Variants in ERI1 observed in about 807,000 individuals in gnomAD.
ERI1 encodes 3'-5' exoribonuclease 1.
ERI1 carries 39 observed loss-of-function variants against 39.7 expected under a neutral mutation model. That is an observed-to-expected ratio of 0.98 (90% confidence interval 0.76 to 1.28). ERI1 has a LOEUF of 1.28. Among genes scored for constraint, ERI1 ranks in the 50% most tolerant of loss-of-function variants. The pLI, the probability that ERI1 is intolerant of heterozygous loss-of-function variation, is 0.00. For synonymous variants in ERI1, 204 were observed against 149.6 expected (o/e 1.36, Z -2.65); for missense variants, 581 against 416.9 (o/e 1.39, Z -3.43).
chr8:9,009,429 CAG>C (rs1420651356), intron 2 of ERI1, among the ~76,000 whole-genome samples: 5 of 152,296 alleles, frequency 3.3e-5, no homozygotes, highest in Admixed American at 6.5e-5. Flanking sequence ...AAAAAAATAA[CAG>C]AAACTTTTCT....
intron 3 of ERI1, among the ~76,000 whole-genome samples, chr8:9,081,682 T>C (rs1431197071): frequency 2.9e-5 from 3 of 104,520 alleles, no homozygotes; most frequent in Admixed American, 8.5e-5. Context: ...TCTTCTTCTT[T>C]TGTTTTTGTT....
intron 4 of ERI1, among the ~76,000 whole-genome samples, chr8:9,017,732 T>C (rs1817459013): frequency 6.6e-6 from 1 of 152,192 alleles, no homozygotes; most frequent in Non-Finnish European, 1.5e-5. Context: ...GGTTCAGATG[T>C]GTATGGACTG....
intron 4 of ERI1, 131 bp from the exon 5 acceptor site, chr8:9,018,166 A>C (rs1023370824): frequency 2.1e-5 from 11 of 526,996 alleles, no homozygotes; most frequent in Admixed American, 9.7e-5. Flanking sequence ...AGCTAAGCCA[A>C]GGAAACCATG....
At chr8:9,063,448 G>A (rs913838659) in intron 3 of ERI1, among the ~76,000 whole-genome samples, 1 of 152,172 alleles carries the variant, frequency 6.6e-6, no homozygotes, top group South Asian at 2.1e-4. Context: ...GGTGTGAGGA[G>A]GGGAGGTGAT....
chr8:9,038,360 C>A (rs1416087497), intron 3 of ERI1, among the ~76,000 whole-genome samples: 1 of 152,200 alleles, frequency 6.6e-6, no homozygotes, highest in East Asian at 1.9e-4. Context: ...ACATTCACAT[C>A]CAGTTTTCAT....
chr8:9,048,941 C>G (rs75152592), intron 3 of ERI1, among the ~76,000 whole-genome samples: 1 of 152,042 alleles, frequency 6.6e-6, no homozygotes, highest in African/African-American at 2.4e-5. Context: ...CCACCGCGCT[C>G]GGCCAGCATT....
intron 3 of ERI1, among the ~76,000 whole-genome samples, chr8:9,012,222 A>C (rs1392099552): frequency 6.6e-6 from 1 of 152,186 alleles, no homozygotes; most frequent in Non-Finnish European, 1.5e-5. Flanking sequence ...AATTTACAAA[A>C]ATGACTTTTG....
At chr8:9,024,461 T>G (rs1818261166) in intron 6 of ERI1, among the ~76,000 whole-genome samples, 1 of 151,964 alleles carries the variant, frequency 6.6e-6, no homozygotes, top group Admixed American at 6.6e-5. Context: ...CACTCTGTCA[T>G]CCAGCCTGGA....
In ERI1 at chr8:9,017,324, C is replaced by T. The variant is rs542242256; in HGVS notation, c.582+919C>T. On this transcript the variant is annotated intron_variant, in intron 4 of 6. Coordinates refer to ENST00000250263, the MANE Select transcript of ERI1 (RefSeq NM_153332.4). Reference sequence around the variant, plus strand: ...AAGTGTTGGGATTACGGGCATGAGCCACCACACCTAGCCTGTTTCATGAAT... The same window carrying T: ...AAGTGTTGGGATTACGGGCATGAGCTACCACACCTAGCCTGTTTCATGAAT... 5.6e-4 allele frequency among the ~76,000 whole-genome samples: 86 copies of T among 152,238 alleles called. 1 individual carries two copies. The highest frequency in any genetic ancestry group is 2.0e-3 in the African/African-American group (83 of 41,542).
chr8:9,073,470 G>A lies in ERI1; in HGVS notation n.300-42878G>A, dbSNP rs76599615. Among the ~76,000 whole-genome samples, 42 of 152,280 alleles carry A rather than the reference G, an allele frequency of 2.8e-4. No individual in the cohort carries two copies. In the East Asian group the frequency reaches 7.9e-3, roughly 29 times the overall value. On this transcript the variant is annotated intron_variant and non_coding_transcript_variant, in intron 3 of 3. Transcript: ENST00000518663. ...AGGTTAGCAAATAGAGCATTGTAAA[G>A]GAGATCAGTGAAGTAAGATTTTCAT...
chr8:9,092,434 G>A (rs989604326), intron 3 of ERI1, among the ~76,000 whole-genome samples: 4 of 152,210 alleles, frequency 2.6e-5, no homozygotes, highest in Admixed American at 1.3e-4. Flanking sequence ...GCTGGAATGA[G>A]CAAATATCTT....
chr8:9,053,039 C>T (rs998614922), intron 3 of ERI1, among the ~76,000 whole-genome samples: 8 of 152,084 alleles, frequency 5.3e-5, no homozygotes, highest in African/African-American at 7.2e-5. Flanking sequence ...TTGTTTGAGA[C>T]GGAGTCTTGC....
chr8:9,073,807 A>G (rs1261410257), intron 3 of ERI1, among the ~76,000 whole-genome samples: 9 of 152,216 alleles, frequency 5.9e-5, no homozygotes, highest in African/African-American at 1.9e-4. Context: ...ACATGAAACT[A>G]CATAGAATCC....
intron 6 of ERI1, among the ~76,000 whole-genome samples, chr8:9,025,959 T>A (rs776740529): frequency 6.6e-6 from 1 of 152,188 alleles, no homozygotes; most frequent in Non-Finnish European, 1.5e-5. Flanking sequence ...AAACAGTGTA[T>A]GTACATTGAG....
chr8:9,034,251 A>G (rs1472102707), downstream of ERI1, among the ~76,000 whole-genome samples: 1 of 152,270 alleles, frequency 6.6e-6, no homozygotes, highest in Non-Finnish European at 1.5e-5. Flanking sequence ...GGTAAATTTC[A>G]TTAGATTTGT....
At chr8:9,050,405 G>C (rs1476738458) in intron 3 of ERI1, among the ~76,000 whole-genome samples, 1 of 151,716 alleles carries the variant, frequency 6.6e-6, no homozygotes, top group African/African-American at 2.4e-5. Flanking sequence ...TACTTGGGAG[G>C]TTGAGGCAGG....
chr8:9,070,478 A>T (rs1284768216), intron 3 of ERI1, among the ~76,000 whole-genome samples: 2 of 152,054 alleles, frequency 1.3e-5, no homozygotes, highest in African/African-American at 4.8e-5. Flanking sequence ...ACAGAATAAG[A>T]CCTTGTCTCA....
intron 3 of ERI1, among the ~76,000 whole-genome samples, chr8:9,012,021 G>A (rs73195795): frequency 4.7e-5 from 5 of 107,138 alleles, no homozygotes; most frequent in African/African-American, 8.1e-5. Context: ...AGAATCTCCT[G>A]GTAAGTAAAA....
chr8:9,054,935 A>G (rs1798459741), intron 3 of ERI1, among the ~76,000 whole-genome samples: 1 of 152,206 alleles, frequency 6.6e-6, no homozygotes, highest in African/African-American at 2.4e-5. Context: ...CTCAAAAATA[A>G]ACAATAAATA....
Sources: gnomAD v4.1 joint callset for allele counts (sites outside exome capture counted in the v4.1 genomes callset) on GRCh38, gnomAD v4.1.1 for gene constraint, MANE v1.5 for transcripts, NCBI Gene and HGNC (gene_info 2026-07-23, HGNC 2026-07-21) for gene names.